Variants in RALA observed in about 807,000 individuals in gnomAD.
RALA encodes the protein ras-related protein Ral-A.
RALA carries 5 observed loss-of-function variants against 24.0 expected under a neutral mutation model. The observed-to-expected ratio is 0.21, with a 90% CI of 0.11 to 0.44. The LOEUF is 0.44. Among genes scored for constraint, RALA ranks in the 20% least tolerant of loss-of-function variants. The pLI, the probability that RALA is intolerant of heterozygous loss-of-function variation, is 0.99. For synonymous variants in RALA, 77 were observed against 83.8 expected (o/e 0.92, Z 0.44); for missense variants, 95 against 241.2 (o/e 0.39, Z 4.01).
intron 1 of RALA, among the ~76,000 whole-genome samples, chr7:39,672,542 G>A (rs897579842): frequency 4.6e-5 from 7 of 151,484 alleles, no homozygotes; most frequent in East Asian, 1.9e-4. Flanking sequence ...ATGAAAACAT[G>A]TGTAGACCTG....
At chr7:39,627,000 C>CTT (rs1791500850) in intron 1 of RALA, among the ~76,000 whole-genome samples, 2 of 151,450 alleles carry the variant, frequency 1.3e-5, no homozygotes, top group African/African-American at 4.9e-5. Flanking sequence ...TCTCTTCCCT[C>CTT]CTAAGCCTGT....
At chr7:39,679,803 C>T (rs1203329215) in intron 1 of RALA, among the ~76,000 whole-genome samples, 3 of 151,944 alleles carry the variant, frequency 2.0e-5, no homozygotes, top group Admixed American at 6.6e-5. Flanking sequence ...CTCTGCCTCC[C>T]GGTTTCAAGT....
At chr7:39,632,934 G>C (rs752393307) in intron 1 of RALA, among the ~76,000 whole-genome samples, 3 of 152,212 alleles carry the variant, frequency 2.0e-5, no homozygotes, top group Admixed American at 6.5e-5. Context: ...CATGGTAACT[G>C]CTCCATGGTT....
At chr7:39,667,311 A>G (rs1792301241) in intron 1 of RALA, among the ~76,000 whole-genome samples, 2 of 152,250 alleles carry the variant, frequency 1.3e-5, no homozygotes, top group Non-Finnish European at 1.5e-5. Context: ...GACTAAATAT[A>G]TGTGTCTACC....
At chr7:39,657,429 A>G (rs180786773) in intron 1 of RALA, among the ~76,000 whole-genome samples, 182 of 152,334 alleles carry the variant, frequency 1.2e-3, no homozygotes, top group African/African-American at 3.8e-3. Context: ...AAATTGTTCA[A>G]TGAAACTTCT....
chr7:39,639,303 C>G (rs561581679), intron 1 of RALA, among the ~76,000 whole-genome samples: 1 of 152,222 alleles, frequency 6.6e-6, no homozygotes, highest in Non-Finnish European at 1.5e-5. Context: ...TTTTACTCAC[C>G]CAATCAGTGA....
At chr7:39,679,055 G>A (rs1232485909) in intron 1 of RALA, among the ~76,000 whole-genome samples, 1 of 145,714 alleles carries the variant, frequency 6.9e-6, no homozygotes, top group South Asian at 2.2e-4. Flanking sequence ...TAGCATATGG[G>A]ATATGTTGTT....
intron 1 of RALA, among the ~76,000 whole-genome samples, chr7:39,634,563 G>C (rs946467331): frequency 6.6e-6 from 1 of 152,144 alleles, no homozygotes; most frequent in South Asian, 2.1e-4. Flanking sequence ...ATCCCCAGAA[G>C]TCTTAGGTTT....
intron 1 of RALA, among the ~76,000 whole-genome samples, chr7:39,633,685 C>T (rs1791636767): frequency 6.6e-6 from 1 of 152,180 alleles, no homozygotes; most frequent in Non-Finnish European, 1.5e-5. Flanking sequence ...TCCTAGAGTA[C>T]ATATCTGTGG....
chr7:39,680,838 G>T (rs1238395642), intron 1 of RALA, among the ~76,000 whole-genome samples: 1 of 152,020 alleles, frequency 6.6e-6, no homozygotes, highest in Non-Finnish European at 1.5e-5. Context: ...TTTGAATCTG[G>T]TTTTGTATAT....
At chr7:39,663,312 A>G (rs1319695463) in intron 1 of RALA, among the ~76,000 whole-genome samples, 3 of 152,246 alleles carry the variant, frequency 2.0e-5, no homozygotes, top group African/African-American at 7.2e-5. Flanking sequence ...TAATAATTTT[A>G]TAACTACCTC....
chr7:39,682,731 C>T (rs1032602437), intron 1 of RALA, among the ~76,000 whole-genome samples: 3 of 152,198 alleles, frequency 2.0e-5, no homozygotes, highest in Admixed American at 2.0e-4. Context: ...CAACCTCCGC[C>T]TCCTGAGTTC....
intron 3 of RALA, among the ~76,000 whole-genome samples, chr7:39,695,734 T>C (rs967889156): frequency 6.6e-6 from 1 of 152,258 alleles, no homozygotes; most frequent in South Asian, 2.1e-4. Flanking sequence ...TATTTTTTAT[T>C]TGCAGTTAGT....
rs2116068530 is a variant in RALA at position 39,686,392 on chromosome 7, T to C, written c.-37-239T>C. On this transcript the variant is annotated intron_variant, in intron 1 of 4. Transcript: ENST00000005257. ...TTCACTTTTGATCATAGCTCATTAC[T>C]GAAACCCAACTATTTTAAGAGAAAT... 2.0e-5 allele frequency among the ~76,000 whole-genome samples: 3 copies of C among 152,344 alleles called. No homozygotes were observed. The Middle Eastern group carries it at 0.01, about 518-fold the overall frequency.
intron 1 of RALA, among the ~76,000 whole-genome samples, chr7:39,633,802 G>A (rs1419373449): frequency 6.6e-6 from 1 of 152,162 alleles, no homozygotes; most frequent in African/African-American, 2.4e-5. Flanking sequence ...TGATTTGTTG[G>A]TGTGAAATCA....
chr7:39,675,999 G>A (rs931084251), intron 1 of RALA, among the ~76,000 whole-genome samples: 4 of 151,724 alleles, frequency 2.6e-5, no homozygotes, highest in Non-Finnish European at 5.9e-5. Context: ...TTTTTTTGAG[G>A]CAGTCTCACT....
chr7:39,697,104 A>T (rs1792934483), intron 4 of RALA, among the ~76,000 whole-genome samples: 1 of 152,168 alleles, frequency 6.6e-6, no homozygotes, highest in African/African-American at 2.4e-5. Flanking sequence ...TAAAGCACTG[A>T]TGGCATTCCT....
intron 1 of RALA, among the ~76,000 whole-genome samples, chr7:39,626,938 A>C (rs1251097493): frequency 6.6e-6 from 1 of 152,126 alleles, no homozygotes; most frequent in East Asian, 1.9e-4. Context: ...TGGAGGCTTA[A>C]AAGTGGCAGA....
intron 1 of RALA, among the ~76,000 whole-genome samples, chr7:39,656,778 C>G (rs993003131): frequency 6.6e-6 from 1 of 152,182 alleles, no homozygotes; most frequent in African/African-American, 2.4e-5. Flanking sequence ...CTCAGCCCAT[C>G]TCTTGATCTG....
Sources: allele counts gnomAD v4.1 joint callset (sites outside exome capture counted in the v4.1 genomes callset), GRCh38; gene constraint gnomAD v4.1.1; transcripts MANE v1.5; gene names NCBI Gene and HGNC (gene_info 2026-07-23, HGNC 2026-07-21).